The following FOXP2 variants were observed in gnomAD, a reference collection of about 807,000 sequenced individuals.
FOXP2 encodes the protein forkhead box protein P2.
A neutral mutation model predicts 115.8 loss-of-function variants in FOXP2; 12 were observed. That is an observed-to-expected ratio of 0.10 (90% CI 0.07 to 0.17). FOXP2 has a LOEUF of 0.17. Among genes scored for constraint, FOXP2 ranks in the 10% least tolerant of loss-of-function variants. The pLI, the probability that FOXP2 is intolerant of heterozygous loss-of-function variation, is 1.00. For synonymous variants in FOXP2, 328 were observed against 297.7 expected (o/e 1.10, Z -1.05); for missense variants, 629 against 843.5 (o/e 0.75, Z 3.15).
chr7:114,161,062 T>C (rs1373327741), upstream of FOXP2, among the ~76,000 whole-genome samples: 1 of 152,206 alleles, frequency 6.6e-6, no homozygotes, highest in Non-Finnish European at 1.5e-5. Context: ...GGAATGTGCA[T>C]TGGTCTTCAC....
intron 1 of FOXP2, among the ~76,000 whole-genome samples, chr7:114,168,195 C>T (rs375648352): frequency 2.0e-5 from 3 of 152,148 alleles, no homozygotes; most frequent in Non-Finnish European, 4.4e-5. Context: ...AAAAGTTACC[C>T]AAAAATGTGG....
chr7:114,578,711 A>T (rs1453422562), intron 3 of FOXP2, among the ~76,000 whole-genome samples: 1 of 152,130 alleles, frequency 6.6e-6, no homozygotes, highest in African/African-American at 2.4e-5. Flanking sequence ...TAAAATTACC[A>T]TTCATATTAC....
intron 3 of FOXP2, among the ~76,000 whole-genome samples, chr7:114,595,125 T>C (rs1802628272): frequency 1.3e-5 from 2 of 152,060 alleles, no homozygotes; most frequent in Admixed American, 6.6e-5. Flanking sequence ...ATTTATCAAA[T>C]TGATTATATC....
intron 16 of FOXP2, among the ~76,000 whole-genome samples, chr7:114,687,505 G>A (rs1423466620): frequency 6.6e-6 from 1 of 152,124 alleles, no homozygotes; most frequent in Non-Finnish European, 1.5e-5. Context: ...GTGACTGAGA[G>A]AACTAATAAT....
intron 2 of FOXP2, among the ~76,000 whole-genome samples, chr7:114,307,236 T>A (rs549997682): frequency 1.3e-5 from 2 of 152,200 alleles, no homozygotes; most frequent in South Asian, 4.1e-4. Context: ...AGCATTTAAC[T>A]AAGGCTACTA....
At chr7:114,271,444 G>A (rs1796034801) in intron 1 of FOXP2, among the ~76,000 whole-genome samples, 1 of 141,306 alleles carries the variant, frequency 7.1e-6, no homozygotes, top group Non-Finnish European at 1.5e-5. Context: ...AGTTAAGGAA[G>A]TTCCCATCTA....
At chr7:114,495,483 C>CTCTTTTTTT (rs776653007) in intron 2 of FOXP2, among the ~76,000 whole-genome samples, 64 of 61,464 alleles carry the variant, frequency 1.0e-3, no homozygotes, top group East Asian at 3.2e-3. Flanking sequence ...TTCTCTCTCT[C>CTCTTTTTTT]TTTTTTTTTT....
chr7:114,566,338 C>T (rs1220554925), intron 3 of FOXP2, among the ~76,000 whole-genome samples: 1 of 152,074 alleles, frequency 6.6e-6, no homozygotes, highest in African/African-American at 2.4e-5. Context: ...TGAAATTTGA[C>T]CCCCAGTGTT....
intron 1 of FOXP2, among the ~76,000 whole-genome samples, chr7:114,104,309 T>G (rs2129141179): frequency 6.6e-6 from 1 of 152,148 alleles, no homozygotes; most frequent in African/African-American, 2.4e-5. Context: ...TTACATTACT[T>G]ACAGTTACTG....
chr7:114,470,399 A>T (rs1795994511), intron 2 of FOXP2, among the ~76,000 whole-genome samples: 1 of 152,148 alleles, frequency 6.6e-6, no homozygotes, highest in African/African-American at 2.4e-5. Context: ...TAAACCAAAT[A>T]AAGTCATTTT....
intron 1 of FOXP2, among the ~76,000 whole-genome samples, chr7:114,237,058 C>G (rs1044243203): frequency 6.6e-6 from 1 of 152,094 alleles, no homozygotes; most frequent in Non-Finnish European, 1.5e-5. Flanking sequence ...ATGTGTATGT[C>G]TGTGTGGGGG....
intron 2 of FOXP2, among the ~76,000 whole-genome samples, chr7:114,509,482 T>C (rs1018508761): frequency 3.3e-5 from 5 of 152,104 alleles, no homozygotes; most frequent in African/African-American, 1.2e-4. Flanking sequence ...CTGGATGCAG[T>C]AGAAGTGGTA....
intron 2 of FOXP2, among the ~76,000 whole-genome samples, chr7:114,480,379 G>A (rs915221721): frequency 6.6e-6 from 1 of 151,364 alleles, no homozygotes; most frequent in Non-Finnish European, 1.5e-5. Context: ...GTCTAGAAAA[G>A]CAACAAGTCC....
At chr7:114,328,808 G>A (rs1031949511) in intron 2 of FOXP2, among the ~76,000 whole-genome samples, 1 of 151,946 alleles carries the variant, frequency 6.6e-6, no homozygotes, top group African/African-American at 2.4e-5. Flanking sequence ...TTTTTGATGG[G>A]GTATCAAAAG....
chr7:114,126,513 A>C (rs1038444786), intron 1 of FOXP2, among the ~76,000 whole-genome samples: 8 of 152,160 alleles, frequency 5.3e-5, no homozygotes, highest in Non-Finnish European at 8.8e-5. Flanking sequence ...TTTATCAACT[A>C]AAGCTATTTG....
intron 8 of FOXP2, among the ~76,000 whole-genome samples, chr7:114,648,172 T>G (rs1367135044): frequency 6.6e-6 from 1 of 152,078 alleles, no homozygotes; most frequent in Non-Finnish European, 1.5e-5. Context: ...TATTGTCTAT[T>G]TCTTTGTCTT....
chr7:114,606,885 G>A (rs1016774622), intron 3 of FOXP2, among the ~76,000 whole-genome samples: 30 of 152,080 alleles, frequency 2.0e-4, no homozygotes, highest in African/African-American at 5.6e-4. Context: ...TTTAATGCTC[G>A]CAATTAATGG....
chr7:114,461,530 T>C (rs540350595), intron 2 of FOXP2, among the ~76,000 whole-genome samples: 1 of 152,308 alleles, frequency 6.6e-6, no homozygotes, highest in African/African-American at 2.4e-5. Flanking sequence ...ATTTATATCA[T>C]GAATAAAATT....
intron 2 of FOXP2, among the ~76,000 whole-genome samples, chr7:114,358,251 A>G (rs1312743178): frequency 1.3e-5 from 2 of 152,132 alleles, no homozygotes; most frequent in African/African-American, 4.8e-5. Context: ...GCCTTCCACC[A>G]TGATTGTGAG....
Sources: gnomAD v4.1 joint callset for allele counts (sites outside exome capture counted in the v4.1 genomes callset) on GRCh38, gnomAD v4.1.1 for gene constraint, MANE v1.5 for transcripts, NCBI Gene and HGNC (gene_info 2026-07-23, HGNC 2026-07-21) for gene names.